Variants in TENM1 observed in about 807,000 individuals in gnomAD.
The protein encoded by TENM1 is teneurin transmembrane protein 1.
In TENM1, 35 loss-of-function variants were observed where a neutral mutation model predicts 174.8. The ratio of observed to expected loss-of-function variants is 0.20; its 90% CI spans 0.15 to 0.27. TENM1 has a LOEUF of 0.27. TENM1 is among the 10% of genes least tolerant of loss of function. The pLI is 1.00. For missense variants in TENM1, 1,633 were observed against 2,130.1 expected (o/e 0.77, Z 4.59); for synonymous variants, 781 against 798.7 (o/e 0.98, Z 0.37).
At chrX:124,749,775 T>C (rs1280623251) in intron 3 of TENM1, among the ~76,000 whole-genome samples, 1 of 112,078 alleles carries the variant, frequency 8.9e-6, no homozygotes, top group Non-Finnish European at 1.9e-5. Flanking sequence ...AAATGAAAGC[T>C]ATCTGCTCAA....
At chrX:124,704,166 A>T (rs933488746) in intron 5 of TENM1, among the ~76,000 whole-genome samples, 2 of 112,337 alleles carry the variant, frequency 1.8e-5, no homozygotes, top group African/African-American at 6.5e-5. Context: ...AATCTGCTTC[A>T]AATAGGTAAC....
At chrX:124,876,288 C>T (rs1185428435) in intron 3 of TENM1, among the ~76,000 whole-genome samples, 1 of 111,190 alleles carries the variant, frequency 9.0e-6, no homozygotes, top group East Asian at 2.8e-4. Flanking sequence ...AAATCTCCGC[C>T]GTTTTTAAAT....
chrX:124,677,828 G>A (rs1387882817), intron 5 of TENM1, among the ~76,000 whole-genome samples: 2 of 111,033 alleles, frequency 1.8e-5, no homozygotes, highest in Non-Finnish European at 1.9e-5. Flanking sequence ...GGAGAACTCT[G>A]AATTAAACTC....
At chrX:124,669,152 TA>T (rs2051857630) in intron 6 of TENM1, among the ~76,000 whole-genome samples, 1 of 112,196 alleles carries the variant, frequency 8.9e-6, no homozygotes. Context: ...ATTGTTTAAT[TA>T]ACTCCTTACT....
At chrX:125,137,875 T>G in the TENM1 span, among the ~76,000 whole-genome samples, 1 of 111,949 alleles carries the variant, frequency 8.9e-6, no homozygotes, top group African/African-American at 3.2e-5. Flanking sequence ...AGGAATTTTG[T>G]AAGGGAAGGT....
intron 1 of TENM1, among the ~76,000 whole-genome samples, chrX:124,913,219 A>G (rs1024380391): frequency 3.9e-4 from 43 of 111,449 alleles, no homozygotes; most frequent in African/African-American, 1.2e-3. Flanking sequence ...TTTTACAAAT[A>G]TAAAGAAAAA....
intron 3 of TENM1, among the ~76,000 whole-genome samples, chrX:124,858,640 A>T (rs1315506432): frequency 8.9e-6 from 1 of 111,977 alleles, no homozygotes; most frequent in East Asian, 2.8e-4. Context: ...GCACATCTGT[A>T]ATCCTTACAT....
At chrX:124,424,340 A>G (rs2056525041) in intron 23 of TENM1, among the ~76,000 whole-genome samples, 1 of 112,058 alleles carries the variant, frequency 8.9e-6, no homozygotes, top group African/African-American at 3.2e-5. Context: ...AACGTTTAAA[A>G]TCCACTCTTG....
intron 1 of TENM1, among the ~76,000 whole-genome samples, chrX:124,941,530 T>C (rs1199027930): frequency 8.9e-6 from 1 of 112,005 alleles, no homozygotes; most frequent in African/African-American, 3.2e-5. Context: ...GTCTCAAATA[T>C]CAGTTATGTA....
At chrX:124,390,266 A>G (rs1242027957) in intron 28 of TENM1, among the ~76,000 whole-genome samples, 2 of 112,697 alleles carry the variant, frequency 1.8e-5, no homozygotes, top group Non-Finnish European at 3.8e-5. Context: ...AGAAGAGGCT[A>G]AATAACTGCA....
chrX:124,426,860 T>C (rs1417118040), intron 23 of TENM1, among the ~76,000 whole-genome samples: 1 of 112,076 alleles, frequency 8.9e-6, no homozygotes, highest in African/African-American at 3.2e-5. Flanking sequence ...TGCGGTGATG[T>C]GTTCCTCAGC....
At chrX:124,408,385 C>G (rs2060487380) in intron 25 of TENM1, among the ~76,000 whole-genome samples, 1 of 111,516 alleles carries the variant, frequency 9.0e-6, no homozygotes, top group Non-Finnish European at 1.9e-5. Context: ...TCATGTGATT[C>G]CCCCTGCCTC....
At chrX:124,766,302 A>G (rs2054537662) in intron 3 of TENM1, among the ~76,000 whole-genome samples, 1 of 111,873 alleles carries the variant, frequency 8.9e-6, no homozygotes, top group South Asian at 3.7e-4. Flanking sequence ...AATGTTTTCC[A>G]AATGTCTGGC....
intron 1 of TENM1, among the ~76,000 whole-genome samples, chrX:124,960,167 T>C (rs1468992891): frequency 8.9e-6 from 1 of 112,255 alleles, no homozygotes; most frequent in Non-Finnish European, 1.9e-5. Context: ...GCTCCAACAT[T>C]CCTTGCTCTA....
intron 11 of TENM1, among the ~76,000 whole-genome samples, chrX:124,638,466 T>C (rs887719152): frequency 1.8e-5 from 2 of 111,688 alleles, no homozygotes; most frequent in Non-Finnish European, 3.8e-5. Flanking sequence ...AATTATATGA[T>C]TCAGAATCAC....
chrX:124,415,070 G>T (rs1428675563), intron 25 of TENM1, among the ~76,000 whole-genome samples: 1 of 112,050 alleles, frequency 8.9e-6, no homozygotes, highest in African/African-American at 3.2e-5. Context: ...TAGAAGAGTA[G>T]GTCAAATGCT....
intron 11 of TENM1, among the ~76,000 whole-genome samples, chrX:124,574,361 A>G (rs1302776829): frequency 9.0e-6 from 1 of 111,501 alleles, no homozygotes; most frequent in African/African-American, 3.3e-5. Context: ...CTTCTCCAAT[A>G]TTAGATGGTG....
chrX:124,877,543 T>C (rs754798854), intron 3 of TENM1, among the ~76,000 whole-genome samples: 1 of 112,081 alleles, frequency 8.9e-6, no homozygotes, highest in African/African-American at 3.2e-5. Flanking sequence ...GAGGTAGTCA[T>C]GGACTACTTT....
rs755781458 is a variant in TENM1, at chrX:124,726,032, G to A, written c.776+10925C>T. 4.0e-4 allele frequency among the ~76,000 whole-genome samples: 45 copies of A among 111,381 alleles called. 2 individuals are homozygous for A. Among genetic ancestry groups the A allele is most frequent in the Admixed American group, 4.0e-3 (42 of 10,528 alleles). ...AGTGTATAAGTATATGGTGAGGGAG[G>A]GCAAAATGATGGGTACAGAGATTTC... On this transcript the variant is annotated intron_variant, in intron 4 of 31. Transcript: ENST00000422452.
Sources: gnomAD v4.1 joint callset for allele counts (sites outside exome capture counted in the v4.1 genomes callset) on GRCh38, gnomAD v4.1.1 for gene constraint, MANE v1.5 for transcripts, NCBI Gene and HGNC (gene_info 2026-07-23, HGNC 2026-07-21) for gene names.